The following PCDHGC5 variants were observed in gnomAD, a reference collection of about 807,000 sequenced individuals.
PCDHGC5 encodes the protein protocadherin gamma subfamily C, 5, also known as protocadherin gamma-C5.
A neutral mutation model predicts 59.0 loss-of-function variants in PCDHGC5; 25 were observed. The ratio of observed to expected loss-of-function variants is 0.42; its 90% confidence interval spans 0.31 to 0.59. The LOEUF (loss-of-function observed/expected upper bound fraction) is 0.59. Among genes scored for constraint, PCDHGC5 ranks in the 20% least tolerant of loss-of-function variants. The pLI, the probability that PCDHGC5 is intolerant of heterozygous loss-of-function variation, is 0.13. For synonymous variants in PCDHGC5, 434 were observed against 505.5 expected (o/e 0.86, Z 1.90); for missense variants, 1,067 against 1,206.4 (o/e 0.88, Z 1.71).
At position 141,491,458 on chromosome 5, in the gene PCDHGC5, G is replaced by T. The variant is rs867069360; in HGVS notation, c.2218G>T (p.Asp740Tyr). 1.9e-6 allele frequency: 3 copies of T among 1,613,974 alleles called. No homozygotes were observed. The highest frequency in any genetic ancestry group is 1.6e-4 in the Middle Eastern group (1 of 6,084). The change falls in exon 1 of 4, where the codon GAC (aspartate) becomes TAC (tyrosine). Residue 740 changes from aspartate to tyrosine, a missense_variant. Coordinates refer to ENST00000252087, the MANE Select transcript of PCDHGC5 (RefSeq NM_018929.3). This position sits in a 1 kb window ranked among gnomAD's most constrained non-coding sequence, Gnocchi z 6.9. ...CAGGCGCCAGGACTCACCCTCCCCGGACTTCTATAAGCAGTCCAGCCCCAA... is the reference window on the plus strand; with the variant it reads ...CAGGCGCCAGGACTCACCCTCCCCGTACTTCTATAAGCAGTCCAGCCCCAA... ...CCRRQDSPSP[D>Y]FYKQSSPNLQ...
At chr5:141,501,997 C>A (rs2099812238) in intron 2 of PCDHGC5, among the ~76,000 whole-genome samples, 1 of 152,128 alleles carries the variant, frequency 6.6e-6, no homozygotes, top group Non-Finnish European at 1.5e-5. Context: ...GTCTCCCTGA[C>A]AACCCGCATG....
chr5:141,505,705 GAA>G (rs1250788277), intron 3 of PCDHGC5, among the ~76,000 whole-genome samples: 1 of 152,198 alleles, frequency 6.6e-6, no homozygotes, highest in Non-Finnish European at 1.5e-5. Flanking sequence ...AGCGAACAAG[GAA>G]AAGACTCATG....
At chr5:141,503,089 G>C (rs1352372525) in intron 2 of PCDHGC5, among the ~76,000 whole-genome samples, 2 of 151,590 alleles carry the variant, frequency 1.3e-5, no homozygotes, top group Non-Finnish European at 2.9e-5. Context: ...TCCTGACCTC[G>C]TGGTCTGCCC....
intron 2 of PCDHGC5, among the ~76,000 whole-genome samples, chr5:141,500,774 A>G (rs1479931234): frequency 6.6e-6 from 1 of 152,188 alleles, no homozygotes; most frequent in Non-Finnish European, 1.5e-5. Context: ...TCTTATGAAT[A>G]TACATATTAT....
chr5:141,505,381 C>T lies in PCDHGC5; in HGVS notation c.2520-12C>T. On this transcript the variant is annotated splice_polypyrimidine_tract_variant and intron_variant, in intron 2 of 3. Transcript: ENST00000252087. Reference sequence around the variant, plus strand: ...CTGGGAGTCTGTGCTCACCATCCTACTCTCTCCCCAGCTCCCAAAATGGCG... The same window carrying T: ...CTGGGAGTCTGTGCTCACCATCCTATTCTCTCCCCAGCTCCCAAAATGGCG... 1 of 1,614,064 alleles carries T rather than the reference C, an allele frequency of 6.2e-7. No homozygotes were observed.
intron 2 of PCDHGC5, among the ~76,000 whole-genome samples, chr5:141,498,971 G>GGAA (rs2099787559): frequency 9.0e-6 from 1 of 110,972 alleles, no homozygotes; most frequent in African/African-American, 3.6e-5. Flanking sequence ...GAGGGAGGGA[G>GGAA]GGAAGGAAGG....
At position 141,505,394 on chromosome 5, in the gene PCDHGC5, T is replaced by C; in HGVS notation, c.2521T>C (p.Ser841Pro). 6.2e-7 allele frequency: 1 copy of C among 1,614,110 alleles called. No homozygotes were observed. The highest frequency in any genetic ancestry group is 8.5e-7 in the Non-Finnish European group (1 of 1,180,002). The part of the protein sequence containing the change: ...SQAQRPGTSG[S>P]QNGDDTGTWP... ...CTCACCATCCTACTCTCTCCCCAGC[T>C]CCCAAAATGGCGATGACACCGGCAC... Residue 841 changes from serine (S) to proline (P), a missense_variant and splice_region_variant, in exon 3 of 4, where the codon TCC becomes CCC. By Grantham distance (74) the Ser-to-Pro change is moderately conservative. Coordinates refer to ENST00000252087, the MANE Select transcript of PCDHGC5 (RefSeq NM_018929.3).
Position 141,490,345 on chromosome 5 carries a change from G to C in PCDHGC5, c.1105G>C (p.Val369Leu), listed in dbSNP as rs2099698831. The change falls in exon 1 of 4, where the codon GTG becomes CTG. Residue 369 changes from valine to leucine, a missense_variant. Coordinates refer to ENST00000252087, the MANE Select transcript of PCDHGC5 (RefSeq NM_018929.3). This position sits in a 1 kb window ranked among gnomAD's most constrained non-coding sequence, Gnocchi z 5.4. Reference protein sequence around the residue: ...VLESTPVGTVVGLFNVRDRDS... With the variant: ...VLESTPVGTVLGLFNVRDRDS... ...AGAGAGCACACCAGTGGGCACAGTA[G>C]TGGGGTTGTTTAATGTGCGAGACCG... is the stretch of plus-strand genomic sequence containing the variant. 1 of 1,614,216 alleles carries C rather than the reference G, an allele frequency of 6.2e-7. No homozygotes were observed. Among genetic ancestry groups the C allele is most frequent in the Non-Finnish European group, 8.5e-7 (1 of 1,180,034 alleles).
chr5:141,496,126 C>T (rs934132550), intron 2 of PCDHGC5, among the ~76,000 whole-genome samples: 2 of 152,062 alleles, frequency 1.3e-5, no homozygotes, highest in African/African-American at 4.8e-5. Context: ...CCCTGCCCCT[C>T]ACACACTGAG....
intron 2 of PCDHGC5, among the ~76,000 whole-genome samples, chr5:141,503,780 T>G (rs779791247): frequency 7.2e-5 from 11 of 152,124 alleles, no homozygotes; most frequent in Non-Finnish European, 1.3e-4. Flanking sequence ...GTTCTTAGGC[T>G]GAGTTCATCT....
chr5:141,491,072 C>T lies in PCDHGC5; in HGVS notation c.1832C>T (p.Pro611Leu), dbSNP rs778221466. The T allele has an allele frequency of 6.2e-7, 1 of 1,614,204 alleles. No individual in the cohort carries two copies. Among genetic ancestry groups the T allele is most frequent in the South Asian group, 1.1e-5 (1 of 91,086 alleles). The change falls in exon 1 of 4, where the codon CCA becomes CTA. Residue 611 changes from proline (P) to leucine (L), a missense_variant. Coordinates refer to ENST00000252087, the MANE Select transcript of PCDHGC5 (RefSeq NM_018929.3). The surrounding 1 kb of genome is among the most constrained non-coding windows in gnomAD (Gnocchi z 6.9). ...GCGTGGCTCTCCTACTCACTGTTGCCACAGTCCACAGCCCCAGGACTGTTC... is the reference window on the plus strand; with the variant it reads ...GCGTGGCTCTCCTACTCACTGTTGCTACAGTCCACAGCCCCAGGACTGTTC... Reference protein sequence around the residue: ...HNAWLSYSLLPQSTAPGLFLV... With the variant: ...HNAWLSYSLLLQSTAPGLFLV...
intron 1 of PCDHGC5, among the ~76,000 whole-genome samples, chr5:141,492,118 TC>T (rs1338861093): frequency 6.6e-6 from 1 of 152,176 alleles, no homozygotes; most frequent in Non-Finnish European, 1.5e-5. Flanking sequence ...CTTCGATTTC[TC>T]CCCAGCTCCC....
At position 141,489,644 on chromosome 5, in the gene PCDHGC5, C is replaced by T. The variant is rs1244782345; in HGVS notation, c.404C>T (p.Thr135Ile). 11 of 1,614,070 alleles carry T rather than the reference C, an allele frequency of 6.8e-6. No individual in the cohort carries two copies. The Admixed American group carries it at 1.8e-4, about 27-fold the overall frequency. The part of the protein sequence containing the change: ...DLNDNSPSFA[T>I]PEREMRISES... ...AATGACAACTCTCCTAGCTTTGCCA[C>T]CCCTGAGCGAGAGATGCGCATCTCA... is the stretch of plus-strand genomic sequence containing the variant. Residue 135 changes from threonine (T) to isoleucine (I), a missense_variant, in exon 1 of 4, where the codon ACC becomes ATC. Coordinates refer to ENST00000252087, the MANE Select transcript of PCDHGC5 (RefSeq NM_018929.3). The surrounding 1 kb of genome is among the most constrained non-coding windows in gnomAD (Gnocchi z 4.5).
In PCDHGC5 at chr5:141,511,035, C is replaced by T. The variant is rs373005862; in HGVS notation, c.2697C>T (p.His899=). Residue 899 remains histidine (H), a synonymous_variant, in exon 4 of 4, where the codon CAC becomes CAT. Transcript: ENST00000252087. ...ACGGACCCCAGTTCACCCTGCAGCA[C>T]GTGCCCGACTACCGCCAGAATGTCT... ...ARYGPQFTLQ[H]VPDYRQNVYI... The T allele has an allele frequency of 1.7e-5, 27 of 1,614,208 alleles. No individual in the cohort carries two copies. The African/African-American group carries it at 2.9e-4, about 18-fold the overall frequency.
chr5:141,499,029 A>AAGGAAGGAAGGAAGGAAGG (rs1562187768), intron 2 of PCDHGC5, among the ~76,000 whole-genome samples: 3 of 140,076 alleles, frequency 2.1e-5, no homozygotes, highest in African/African-American at 8.3e-5. Flanking sequence ...AGGAAGGAAG[A>AAGGAAGGAAGGAAGGAAGG]AAAGAAAGAA....
At chr5:141,503,010 A>AT (rs199924715) in intron 2 of PCDHGC5, among the ~76,000 whole-genome samples, 26,593 of 146,658 alleles carry the variant, frequency 0.18, 2,532 homozygotes, top group Admixed American at 0.29. Context: ...TGCCCGGTTA[A>AT]TTTTTTTTTT....
chr5:141,490,811 A>G lies in PCDHGC5; in HGVS notation c.1571A>G (p.Tyr524Cys), dbSNP rs750702067. The G allele has an allele frequency of 1.2e-6, 2 of 1,613,918 alleles. No homozygotes were observed. The highest frequency in any genetic ancestry group is 8.5e-7 in the Non-Finnish European group (1 of 1,179,884). The change falls in exon 1 of 4, where the codon TAT (tyrosine) becomes TGT (cysteine). Residue 524 changes from tyrosine (Y) to cysteine (C), a missense_variant. Coordinates refer to ENST00000252087, the MANE Select transcript of PCDHGC5 (RefSeq NM_018929.3). This position sits in a 1 kb window ranked among gnomAD's most constrained non-coding sequence, Gnocchi z 5.4. ...GRIFAQRTFD[Y>C]ELLQMLQIVV... ...ATCTTTGCCCAGCGTACCTTTGACTATGAATTGCTGCAGATGCTGCAGATT... is the reference window on the plus strand; with the variant it reads ...ATCTTTGCCCAGCGTACCTTTGACTGTGAATTGCTGCAGATGCTGCAGATT...
rs1163950013 is a variant in PCDHGC5 at position 141,512,955 on chromosome 5, A to G, written c.*1782A>G. 2 of 152,234 alleles carry G rather than the reference A, an allele frequency of 1.3e-5. No homozygotes were observed. The highest frequency in any genetic ancestry group is 2.9e-5 in the Non-Finnish European group (2 of 68,046). The allele number at this position is 152,234 out of a possible 1,614,324, so 9.4% of individuals were successfully genotyped here. ...GCTTTTTTTCTTCGACAAAAAAATA[A>G]TAAAACGTTTCTTCTGAAAAGCTGA... On this transcript the variant is annotated 3_prime_UTR_variant, in exon 4 of 4. Coordinates refer to ENST00000252087, the MANE Select transcript of PCDHGC5 (RefSeq NM_018929.3).
chr5:141,502,577 A>G (rs1260539435), intron 2 of PCDHGC5, among the ~76,000 whole-genome samples: 2 of 152,192 alleles, frequency 1.3e-5, no homozygotes, highest in African/African-American at 4.8e-5. Context: ...TTATAAAAAT[A>G]TATTTTTATA....
Sources: allele counts gnomAD v4.1 joint callset (sites outside exome capture counted in the v4.1 genomes callset), GRCh38; gene constraint gnomAD v4.1.1; non-coding constraint Gnocchi (gnomAD v3.1); transcripts MANE v1.5; gene names NCBI Gene and HGNC (gene_info 2026-07-23, HGNC 2026-07-21).